PJA2: variants seen among roughly 807,000 people sequenced by gnomAD.
PJA2 encodes the protein praja ring finger ubiquitin ligase 2, also known as E3 ubiquitin-protein ligase Praja-2.
In PJA2, 25 loss-of-function variants were observed where a neutral mutation model predicts 69.3. The ratio of observed to expected loss-of-function variants is 0.36; its 90% CI spans 0.26 to 0.50. The LOEUF (loss-of-function observed/expected upper bound fraction) is 0.50, where lower values mean the gene tolerates loss of function less well. Among genes scored for constraint, PJA2 ranks in the 20% least tolerant of loss-of-function variants. The pLI is 0.96. For missense variants in PJA2, 809 were observed against 830.2 expected (o/e 0.97, Z 0.31); for synonymous variants, 308 against 277.8 (o/e 1.11, Z -1.08).
At chr5:109,338,784 C>T (rs1462862178) in intron 9 of PJA2, among the ~76,000 whole-genome samples, 1 of 151,502 alleles carries the variant, frequency 6.6e-6, no homozygotes, top group Non-Finnish European at 1.5e-5. Flanking sequence ...TAAACTTAGA[C>T]AAGTAACAAT....
Position 109,355,936 on chromosome 5 carries a change from T to A in PJA2, c.1743A>T (p.Glu581Asp). 1 of 1,613,354 alleles carries A rather than the reference T, an allele frequency of 6.2e-7. No individual in the cohort carries two copies. The highest frequency in any genetic ancestry group is 8.5e-7 in the Non-Finnish European group (1 of 1,179,506). Residue 581 changes from glutamate (E) to aspartate (D), a missense_variant, in exon 7 of 10, where the codon GAA becomes GAT. By Grantham distance (45) the Glu-to-Asp change is conservative. This residue lies in a region of PJA2 where 55 missense variants were observed against 90.7 expected (regional missense o/e 0.61). Coordinates refer to ENST00000361189, the MANE Select transcript of PJA2 (RefSeq NM_014819.5). The stretch of plus-strand genomic sequence containing the variant: ...ATACCTCCATAGCCTGGGCTAAGCG[T>A]TCTTCTAGTGCCATGTAGGTAAGGA... Reference protein sequence around the residue: ...PQFLTYMALEERLAQAMETAL... With the variant: ...PQFLTYMALEDRLAQAMETAL...
chr5:109,364,601 C>T (rs1437259510), intron 5 of PJA2, among the ~76,000 whole-genome samples: 1 of 133,180 alleles, frequency 7.5e-6, no homozygotes, highest in Non-Finnish European at 1.7e-5. Flanking sequence ...CCAGCCTGGG[C>T]GACAGAGCGA....
intron 1 of PJA2, among the ~76,000 whole-genome samples, chr5:109,397,216 G>C (rs2052882): frequency 0.43 from 66,135 of 152,114 alleles, 17,677 homozygotes; most frequent in Middle Eastern, 0.6. Context: ...CCAGGCTCTA[G>C]AATTGTGAAA....
chr5:109,377,324 A>T (rs1182616797), intron 4 of PJA2, among the ~76,000 whole-genome samples: 1 of 152,144 alleles, frequency 6.6e-6, no homozygotes. Context: ...AAAATCTTGC[A>T]ATTGCACTGT....
At chr5:109,345,082 C>T (rs2161164) in intron 7 of PJA2, among the ~76,000 whole-genome samples, 65,669 of 150,910 alleles carry the variant, frequency 0.44, 17,522 homozygotes, top group Middle Eastern at 0.59. Flanking sequence ...ATGGCTCATG[C>T]CTGTAATCCC....
intron 9 of PJA2, among the ~76,000 whole-genome samples, chr5:109,342,918 T>G (rs1762103667): frequency 1.5e-5 from 1 of 66,506 alleles, no homozygotes; most frequent in African/African-American, 7.5e-5. Context: ...AGCCGCCCCG[T>G]CCGGGAGGTG....
chr5:109,405,380 T>C (rs1420085377), intron 1 of PJA2, among the ~76,000 whole-genome samples: 1 of 152,200 alleles, frequency 6.6e-6, no homozygotes, highest in East Asian at 1.9e-4. Context: ...ACAAACCAAA[T>C]TAAAATCCCT....
At chr5:109,404,835 T>C (rs1019867128) in intron 1 of PJA2, among the ~76,000 whole-genome samples, 6 of 152,206 alleles carry the variant, frequency 3.9e-5, no homozygotes, top group Non-Finnish European at 7.3e-5. Flanking sequence ...ATAGCACCAC[T>C]CTATCACACT....
intron 1 of PJA2, among the ~76,000 whole-genome samples, chr5:109,405,191 G>A (rs143849425): frequency 7.2e-5 from 11 of 152,218 alleles, no homozygotes; most frequent in African/African-American, 2.4e-4. Flanking sequence ...CACTTATAAT[G>A]GTATCAATTA....
At chr5:109,364,785 AC>A (rs1016540204) in intron 5 of PJA2, among the ~76,000 whole-genome samples, 1 of 147,436 alleles carries the variant, frequency 6.8e-6, no homozygotes, top group African/African-American at 2.5e-5. Flanking sequence ...TAAAAAAAAA[AC>A]TGTAAGAAAA....
chr5:109,407,082 T>C (rs1426660991), intron 1 of PJA2, among the ~76,000 whole-genome samples: 4 of 152,226 alleles, frequency 2.6e-5, no homozygotes, highest in Non-Finnish European at 5.9e-5. Flanking sequence ...GATGAAAATA[T>C]TCTATATCTT....
chr5:109,369,754 G>A (rs972375157), intron 4 of PJA2, among the ~76,000 whole-genome samples: 4 of 152,072 alleles, frequency 2.6e-5, no homozygotes, highest in African/African-American at 7.2e-5. Context: ...AGTTCAGGCC[G>A]GGCATGGTGG....
At chr5:109,386,266 T>C (rs991333819) in intron 1 of PJA2, among the ~76,000 whole-genome samples, 5 of 152,026 alleles carry the variant, frequency 3.3e-5, no homozygotes, top group African/African-American at 1.2e-4. Context: ...GTGAAGAAAG[T>C]GTTTTAGGCA....
At chr5:109,360,282 C>T (rs1762485575) in intron 6 of PJA2, among the ~76,000 whole-genome samples, 2 of 152,122 alleles carry the variant, frequency 1.3e-5, no homozygotes, top group African/African-American at 2.4e-5. Context: ...GTGTCTAAAA[C>T]GATGATCTCT....
Position 109,372,858 on chromosome 5 carries a change from T to C in PJA2, c.1284-4112A>G, listed in dbSNP as rs556388034. On this transcript the variant is annotated intron_variant, in intron 4 of 9. Coordinates refer to ENST00000361189, the MANE Select transcript of PJA2 (RefSeq NM_014819.5). ...AGGTGGAGGTTGTGGTGAGCCAAGA[T>C]GGTACCATTGCACTCCAGCCTTGGC... Among the ~76,000 whole-genome samples, 29 of 128,654 alleles carry C rather than the reference T, an allele frequency of 2.3e-4. 1 individual carries two copies. The South Asian group carries it at 5.4e-3, about 24-fold the overall frequency. 84.4% of individuals were successfully genotyped at this position (128,654 alleles called of 152,430 possible). A position where few individuals can be genotyped will look rare whatever the true frequency, so the allele number is the denominator to read the frequency against.
intron 1 of PJA2, among the ~76,000 whole-genome samples, chr5:109,405,922 AT>A (rs1252547675): frequency 2.8e-5 from 4 of 142,112 alleles, no homozygotes; most frequent in African/African-American, 8.7e-5. Context: ...AGTTAGGAAA[AT>A]AAAAAAAAAA....
At chr5:109,372,584 G>A (rs927375063) in intron 4 of PJA2, among the ~76,000 whole-genome samples, 1 of 152,128 alleles carries the variant, frequency 6.6e-6, no homozygotes, top group Non-Finnish European at 1.5e-5. Flanking sequence ...ACAAATGGAT[G>A]TGGAAATCAG....
intron 7 of PJA2, among the ~76,000 whole-genome samples, chr5:109,352,982 T>TATA (rs1263253394): frequency 0.061 from 1,507 of 24,768 alleles, 35 homozygotes; most frequent in Middle Eastern, 0.096. Flanking sequence ...ATTAGATACC[T>TATA]ATATCTATAG....
intron 1 of PJA2, among the ~76,000 whole-genome samples, chr5:109,397,804 G>T (rs755790357): frequency 6.6e-6 from 1 of 152,080 alleles, no homozygotes; most frequent in Non-Finnish European, 1.5e-5. Flanking sequence ...GATTACAGGC[G>T]TGAGCCACGG....
Sources: gnomAD v4.1 joint callset for allele counts (sites outside exome capture counted in the v4.1 genomes callset) on GRCh38, gnomAD v4.1.1 for gene constraint, gnomAD v4.1.1 regional missense constraint, MANE v1.5 for transcripts, NCBI Gene and HGNC (gene_info 2026-07-23, HGNC 2026-07-21) for gene names.